SARDH: variants seen among roughly 807,000 people sequenced by gnomAD.
The protein encoded by SARDH is sarcosine dehydrogenase.
Under a neutral mutation model 109.1 loss-of-function variants are expected in SARDH, and 95 were observed. The observed-to-expected ratio is 0.87, with a 90% CI of 0.74 to 1.03. The LOEUF (loss-of-function observed/expected upper bound fraction) is 1.03. Among genes scored for constraint, SARDH ranks in the 50% least tolerant of loss-of-function variants. The pLI, the probability that SARDH is intolerant of heterozygous loss-of-function variation, is 0.00. For synonymous variants in SARDH, 572 were observed against 534.8 expected (o/e 1.07, Z -0.96); for missense variants, 1,267 against 1,287.8 (o/e 0.98, Z 0.25).
intron 17 of SARDH, among the ~76,000 whole-genome samples, chr9:133,684,251 C>T (rs1388140453): frequency 1.3e-5 from 2 of 152,218 alleles, no homozygotes; most frequent in Admixed American, 6.5e-5. Context: ...GCCAGGGAGG[C>T]GGCCACACAC....
rs893540860 is a variant in SARDH at position 133,693,918 on chromosome 9, G to T, written c.1921+340C>A. Among the ~76,000 whole-genome samples the T allele has an allele frequency of 6.6e-6, 1 of 152,248 alleles. No individual in the cohort carries two copies. Among genetic ancestry groups the T allele is most frequent in the African/African-American group, 2.4e-5 (1 of 41,466 alleles). The stretch of plus-strand genomic sequence containing the variant: ...AGGATGTCAGTGGCAGAAAGGAGCT[G>T]ACTGCTTTGAGTGGGAGGCACGGCC... On this transcript the variant is annotated intron_variant, in intron 15 of 20. Transcript: ENST00000439388. The surrounding 1 kb of genome is among the most constrained non-coding windows in gnomAD (Gnocchi z 5.6).
rs1831623904 is a variant in SARDH, at chr9:133,704,782, G to A, written c.1554+166C>T. ...ACAAAGAATGCACTGAGCCTTGGGG[G>A]CAGGTCGGCAGGGCTCGGCTTCCCG... On this transcript the variant is annotated intron_variant, in intron 12 of 20. Coordinates refer to ENST00000439388, the MANE Select transcript of SARDH (RefSeq NM_001134707.2). The surrounding 1 kb of genome is among the most constrained non-coding windows in gnomAD (Gnocchi z 4.5). Among the ~76,000 whole-genome samples, 1 of 152,262 alleles carries A rather than the reference G, an allele frequency of 6.6e-6. No individual in the cohort carries two copies. The highest frequency in any genetic ancestry group is 2.1e-4 in the South Asian group (1 of 4,828).
chr9:133,678,772 G>T (rs936575670), intron 17 of SARDH, among the ~76,000 whole-genome samples: 2 of 152,162 alleles, frequency 1.3e-5, no homozygotes, highest in African/African-American at 4.8e-5. Flanking sequence ...GTCTTCCCTG[G>T]GTCTCTGGGT....
intron 17 of SARDH, among the ~76,000 whole-genome samples, chr9:133,673,013 TG>T (rs1384892144): frequency 6.6e-6 from 1 of 152,136 alleles, no homozygotes. Context: ...CTTGCAACGG[TG>T]GGAACACGGT....
rs1564273073 is a variant in SARDH at position 133,704,975 on chromosome 9, T to C, written c.1527A>G (p.Gly509=). ...GAGCTGGGCCTCGGGGATGAAACCA[T>C]CCCGGTCGCTCCCAGCCATGCCGCT... ...FQERHGWERP[G]WFHPRGPAPV... is the part of the protein sequence containing the mutation. The change falls in exon 12 of 21, where the codon GGA becomes GGG. Residue 509 remains glycine (G), a synonymous_variant. Coordinates refer to ENST00000439388, the MANE Select transcript of SARDH (RefSeq NM_001134707.2). This position sits in a 1 kb window ranked among gnomAD's most constrained non-coding sequence, Gnocchi z 4.5. 2 of 1,583,926 alleles carry C rather than the reference T, an allele frequency of 1.3e-6. No homozygotes were observed. The highest frequency in any genetic ancestry group is 1.8e-5 in the Admixed American group (1 of 54,692).
intron 11 of SARDH, among the ~76,000 whole-genome samples, chr9:133,705,275 C>T (rs1458233215): frequency 2.0e-4 from 26 of 132,976 alleles, no homozygotes; most frequent in South Asian, 7.3e-4. Context: ...TATAGAATTA[C>T]CACCTGCCCC....
Position 133,696,379 on chromosome 9 carries a change from G to C in SARDH, c.1669-18C>G. On this transcript the variant is annotated intron_variant, in intron 13 of 20. Coordinates refer to ENST00000439388, the MANE Select transcript of SARDH (RefSeq NM_001134707.2). ...TTCTTGATCTGAAAAGTTCCAGACA[G>C]GTGGGAATGCCACGGGGGCCTTTGG... 1 of 1,613,872 alleles carries C rather than the reference G, an allele frequency of 6.2e-7. No individual in the cohort carries two copies. Among genetic ancestry groups the C allele is most frequent in the South Asian group, 1.1e-5 (1 of 91,084 alleles).
At chr9:133,695,438 G>C (rs764366535) in intron 14 of SARDH, among the ~76,000 whole-genome samples, 1 of 152,056 alleles carries the variant, frequency 6.6e-6, no homozygotes, top group Non-Finnish European at 1.5e-5. Flanking sequence ...GCGAGACTCC[G>C]TCTCAAAACA....
chr9:133,737,570 C>T (rs930510033), intron 1 of SARDH, among the ~76,000 whole-genome samples: 5 of 152,190 alleles, frequency 3.3e-5, no homozygotes, highest in Non-Finnish European at 7.4e-5. Flanking sequence ...CCACCCACCA[C>T]GGTGCCGCAT....
intron 8 of SARDH, among the ~76,000 whole-genome samples, chr9:133,714,095 G>A (rs1832032161): frequency 6.6e-6 from 1 of 152,246 alleles, no homozygotes; most frequent in Admixed American, 6.5e-5. Context: ...TCTAGATGAG[G>A]AAGCGGCCGG....
intron 4 of SARDH, 64 bp downstream of exon 4, chr9:133,731,241 A>C: frequency 3.2e-6 from 5 of 1,576,994 alleles, no homozygotes; most frequent in Non-Finnish European, 4.3e-6. Context: ...TTCTGCTCTC[A>C]GGGTTCTAAG....
In SARDH at chr9:133,734,134, G is replaced by A. The variant is rs1832784927; in HGVS notation, c.40C>T (p.His14Tyr). 6.2e-7 allele frequency: 1 copy of A among 1,608,320 alleles called. No individual in the cohort carries two copies. Among genetic ancestry groups the A allele is most frequent in the African/African-American group, 1.3e-5 (1 of 74,890 alleles). ...CCCCGGGTAGGGCTCTGGCGAGGGT[G>A]GGCAGCAGCCACACGTAGGGCTCGG... The part of the protein sequence containing the change: ...LSRALRVAAA[H>Y]PRQSPTRGMG... Residue 14 changes from histidine (H) to tyrosine (Y), a missense_variant, in exon 2 of 21, where the codon CAC becomes TAC. His to Tyr is a moderately conservative substitution (Grantham distance 83). Transcript: ENST00000439388.
chr9:133,732,539 C>A lies in SARDH; in HGVS notation c.394G>T (p.Val132Leu), dbSNP rs764622446. 16 of 1,613,794 alleles carry A rather than the reference C, an allele frequency of 9.9e-6. No individual in the cohort carries two copies. Among genetic ancestry groups the A allele is most frequent in the African/African-American group, 4.0e-5 (3 of 74,914 alleles). ...TCCTCCTCCAGCTCCCGGCTCACCA[C>A]CCGCCGAGTGTGGGCCAGAAGCTCC... The part of the protein sequence containing the change: ...EVELLAHTRR[V>L]VSRELEEETG... The change falls in exon 3 of 21, where the codon GTG (valine) becomes TTG (leucine). Residue 132 changes from valine (V) to leucine (L), a missense_variant. Coordinates refer to ENST00000439388, the MANE Select transcript of SARDH (RefSeq NM_001134707.2).
intron 16 of SARDH, among the ~76,000 whole-genome samples, chr9:133,688,002 C>CG (rs1165338778): frequency 2.0e-5 from 3 of 152,158 alleles, no homozygotes; most frequent in Non-Finnish European, 4.4e-5. Context: ...CGGCCGCCCC[C>CG]GGGCCGCACC....
chr9:133,703,816 G>C (rs1182971736), intron 12 of SARDH: 1 of 152,352 alleles, frequency 6.6e-6, no homozygotes, highest in African/African-American at 2.4e-5. Context: ...TTGTAAGGGA[G>C]TCAGGCTTTG....
At chr9:133,705,654 A>T (rs1391065967) in intron 11 of SARDH, among the ~76,000 whole-genome samples, 1 of 151,350 alleles carries the variant, frequency 6.6e-6, no homozygotes, top group Non-Finnish European at 1.5e-5. Flanking sequence ...TGGCCCCGAT[A>T]ACCATCATCT....
intron 17 of SARDH, among the ~76,000 whole-genome samples, chr9:133,677,270 C>T (rs1830548186): frequency 6.6e-6 from 1 of 151,194 alleles, no homozygotes; most frequent in South Asian, 2.2e-4. Flanking sequence ...AGCCTGGAAA[C>T]CCACATCCTC....
At chr9:133,708,515 C>T (rs1248357094) in intron 10 of SARDH, 87 bp from the exon 11 acceptor site, 55 of 1,468,896 alleles carry the variant, frequency 3.7e-5, no homozygotes, top group Admixed American at 2.8e-4. Flanking sequence ...GCCTGGACCC[C>T]GGTCCCCTGC....
At chr9:133,698,574 T>C (rs368856756) in intron 13 of SARDH, among the ~76,000 whole-genome samples, 10 of 152,220 alleles carry the variant, frequency 6.6e-5, no homozygotes, top group East Asian at 3.8e-4. Flanking sequence ...TAAATAAGAA[T>C]AGACCTATAG....
Sources: gnomAD v4.1 joint callset for allele counts (sites outside exome capture counted in the v4.1 genomes callset) on GRCh38, gnomAD v4.1.1 for gene constraint, Gnocchi (gnomAD v3.1) non-coding constraint, MANE v1.5 for transcripts, NCBI Gene and HGNC (gene_info 2026-07-23, HGNC 2026-07-21) for gene names.